The following PLA2G5 variants were observed in gnomAD, a reference collection of about 807,000 sequenced individuals.
The protein encoded by PLA2G5 is Ca2+-dependent phospholipase A2.
A neutral mutation model predicts 15.9 loss-of-function variants in PLA2G5; 12 were observed. The observed-to-expected ratio is 0.76, with a 90% CI of 0.48 to 1.23. The LOEUF is 1.23. PLA2G5 is among the 50% of genes most tolerant of loss of function. The pLI is 0.00. For synonymous variants in PLA2G5, 71 were observed against 71.4 expected (o/e 0.99, Z 0.03); for missense variants, 169 against 177.1 (o/e 0.95, Z 0.26).
At chr1:20,038,960 A>G (rs2013435582) in intron 1 of PLA2G5, among the ~76,000 whole-genome samples, 1 of 152,154 alleles carries the variant, frequency 6.6e-6, no homozygotes, top group Non-Finnish European at 1.5e-5. Flanking sequence ...TCTTGGCATC[A>G]GATCTGACAT....
In PLA2G5 at chr1:20,061,411, C is replaced by G. The variant is rs576887003; in HGVS notation, n.337+1719C>G. Among the ~76,000 whole-genome samples the G allele has an allele frequency of 5.3e-5, 8 of 151,796 alleles. No individual in the cohort carries two copies. In the East Asian group the frequency reaches 1.4e-3, roughly 26 times the overall value. On this transcript the variant is annotated intron_variant and non_coding_transcript_variant, in intron 2 of 6. Coordinates refer to the PLA2G5 transcript ENST00000460175. ...ATCAGCTTGGGCAACCTAGGGAGACCGCATCTTTAGAAACAAAATTAAAAA... is the reference window on the plus strand; with the variant it reads ...ATCAGCTTGGGCAACCTAGGGAGACGGCATCTTTAGAAACAAAATTAAAAA...
At chr1:20,053,575 G>GGGC (rs1553172800) in intron 1 of PLA2G5, among the ~76,000 whole-genome samples, 1 of 143,006 alleles carries the variant, frequency 7.0e-6, no homozygotes, top group Non-Finnish European at 1.5e-5. Flanking sequence ...CTTTGCGGGG[G>GGGC]GGGGGGTGAT....
chr1:20,040,277 A>C (rs1459486058), intron 1 of PLA2G5, among the ~76,000 whole-genome samples: 1 of 152,082 alleles, frequency 6.6e-6, no homozygotes, highest in Non-Finnish European at 1.5e-5. Flanking sequence ...TTTTGTACAG[A>C]TAGTTGTTCA....
chr1:20,038,642 G>T (rs961868574), intron 1 of PLA2G5, among the ~76,000 whole-genome samples: 2 of 152,188 alleles, frequency 1.3e-5, no homozygotes, highest in African/African-American at 4.8e-5. Flanking sequence ...AACTGGGCAT[G>T]GTGGTAAATG....
intron 1 of PLA2G5, among the ~76,000 whole-genome samples, chr1:20,072,461 T>C (rs770644400): frequency 1.1e-4 from 17 of 151,646 alleles, no homozygotes; most frequent in Non-Finnish European, 1.9e-4. Flanking sequence ...AGGGAGGGAA[T>C]AACAGATGAA....
At chr1:20,081,157 CT>C (rs1404643070) in intron 1 of PLA2G5, among the ~76,000 whole-genome samples, 2 of 151,634 alleles carry the variant, frequency 1.3e-5, no homozygotes. Flanking sequence ...ACTGCAACCG[CT>C]GCCCTCCTCT....
intron 3 of PLA2G5, among the ~76,000 whole-genome samples, chr1:20,087,534 T>G (rs927114216): frequency 1.2e-4 from 18 of 151,152 alleles, no homozygotes; most frequent in African/African-American, 4.4e-4. Context: ...GCATATACGT[T>G]TTTTTTTTAT....
At chr1:20,078,128 G>A (rs958838970) in intron 1 of PLA2G5, among the ~76,000 whole-genome samples, 6 of 152,020 alleles carry the variant, frequency 3.9e-5, no homozygotes, top group Admixed American at 6.5e-5. Context: ...GGGAGAGAGA[G>A]TTTCGAGAAG....
chr1:20,077,981 A>G (rs952863617), intron 1 of PLA2G5, among the ~76,000 whole-genome samples: 3 of 152,170 alleles, frequency 2.0e-5, no homozygotes, highest in Non-Finnish European at 2.9e-5. Flanking sequence ...TCATCCAGAG[A>G]GTGGCTGAGA....
At position 20,038,769 on chromosome 1, in the gene PLA2G5, C is replaced by A. The variant is rs571148749; in HGVS notation, n.276+10060C>A. 2.1e-4 allele frequency among the ~76,000 whole-genome samples: 32 copies of A among 152,108 alleles called. No individual in the cohort carries two copies. The South Asian group carries it at 6.0e-3, about 29-fold the overall frequency. ...CTCTGGCATGGGTGACAGATTGAGACCCTGTCTCAAAAAAAGAAAAAAAGG... is the reference window on the plus strand; with the variant it reads ...CTCTGGCATGGGTGACAGATTGAGAACCTGTCTCAAAAAAAGAAAAAAAGG... On this transcript the variant is annotated intron_variant and non_coding_transcript_variant, in intron 1 of 6. Transcript: ENST00000460175.
At chr1:20,046,393 A>G (rs964494820) in intron 1 of PLA2G5, among the ~76,000 whole-genome samples, 12 of 152,224 alleles carry the variant, frequency 7.9e-5, no homozygotes, top group Admixed American at 3.9e-4. Flanking sequence ...AGAGGAAAAA[A>G]CAAACAAACA....
chr1:20,077,121 GGGTCAGACATT>G lies in PLA2G5; in HGVS notation c.-11+6658_-11+6668del, dbSNP rs1325235797. 5.9e-5 allele frequency among the ~76,000 whole-genome samples: 9 copies of G among 152,336 alleles called. No individual in the cohort carries two copies. The South Asian group carries it at 1.4e-3, about 25-fold the overall frequency. On this transcript the variant is annotated intron_variant, in intron 1 of 4. Transcript: ENST00000375108. Reference sequence around the variant, plus strand: ...CAAATAGTTCTTGAGGATCTATAATGGGTCAGACATTGTTCCAGGTGCTAAGATCAGAAATG... The same window carrying G: ...CAAATAGTTCTTGAGGATCTATAATGGTTCCAGGTGCTAAGATCAGAAATG...
chr1:20,085,014 C>G, intron 2 of PLA2G5, 144 bp downstream of exon 2: 1 of 723,028 alleles, frequency 1.4e-6, no homozygotes, highest in African/African-American at 1.7e-5. Flanking sequence ...TCAGCAAGAG[C>G]CTTCATGCCT....
intron 1 of PLA2G5, among the ~76,000 whole-genome samples, chr1:20,054,099 T>C (rs138259961): frequency 8.2e-4 from 125 of 152,286 alleles, no homozygotes; most frequent in African/African-American, 3.0e-3. Context: ...TGCTCCTCCA[T>C]GGCCTCAACT....
At chr1:20,029,406 C>T (rs1265776139) in intron 1 of PLA2G5, among the ~76,000 whole-genome samples, 3 of 151,860 alleles carry the variant, frequency 2.0e-5, no homozygotes, top group Non-Finnish European at 4.4e-5. Flanking sequence ...TATGTTCCTC[C>T]GCTGATATGC....
rs1186432111 is a variant in PLA2G5, at chr1:20,091,044, G to C, written c.*352G>C. On this transcript the variant is annotated 3_prime_UTR_variant, in exon 5 of 5. Transcript: ENST00000375108. The stretch of plus-strand genomic sequence containing the variant: ...TTTCCTGAGATGCACTTACTTCTCA[G>C]CTTCTGCGATCAGATTATCATCACC... 1 of 197,654 alleles carries C rather than the reference G, an allele frequency of 5.1e-6. No individual in the cohort carries two copies. Among genetic ancestry groups the C allele is most frequent in the Non-Finnish European group, 1.0e-5 (1 of 96,920 alleles). The allele number at this position is 197,654 out of a possible 1,614,324, so 12.2% of individuals were successfully genotyped here.
At chr1:20,058,291 G>T (rs12403822) in intron 1 of PLA2G5, among the ~76,000 whole-genome samples, 24,769 of 151,968 alleles carry the variant, frequency 0.16, 2,207 homozygotes, top group East Asian at 0.28. Context: ...TTTGCCTCAC[G>T]TATTTTGACA....
intron 1 of PLA2G5, among the ~76,000 whole-genome samples, chr1:20,079,610 G>C (rs143793409): frequency 5.6e-4 from 85 of 152,230 alleles, no homozygotes; most frequent in South Asian, 2.1e-3. Context: ...TCCTGGGCTC[G>C]GGCCATCCTC....
In PLA2G5 at chr1:20,081,181, C is replaced by T. The variant is rs531768164; in HGVS notation, c.-10-3640C>T. Among the ~76,000 whole-genome samples, 6 of 151,726 alleles carry T rather than the reference C, an allele frequency of 4.0e-5. No homozygotes were observed. In the South Asian group the frequency reaches 1.0e-3, roughly 26 times the overall value. On this transcript the variant is annotated intron_variant, in intron 1 of 4. Coordinates refer to ENST00000375108, the MANE Select transcript of PLA2G5 (RefSeq NM_000929.3). ...GCTGCCCTCCTCTGAAATTCTCTCG[C>T]GGCTATGCGCTTCCTCTCTGTGGTC...
Sources: allele counts gnomAD v4.1 joint callset (sites outside exome capture counted in the v4.1 genomes callset), GRCh38; gene constraint gnomAD v4.1.1; transcripts MANE v1.5; gene names NCBI Gene and HGNC (gene_info 2026-07-23, HGNC 2026-07-21).